Variants in SIPA1L1 observed in about 807,000 individuals in gnomAD.
The protein encoded by SIPA1L1 is signal induced proliferation associated 1 like 1, also known as signal-induced proliferation-associated 1-like protein 1.
A neutral mutation model predicts 162.7 loss-of-function variants in SIPA1L1; 26 were observed. The ratio of observed to expected loss-of-function variants is 0.16; its 90% confidence interval spans 0.12 to 0.22. The LOEUF (loss-of-function observed/expected upper bound fraction) is 0.22, where lower values mean the gene tolerates loss of function less well. Among genes scored for constraint, SIPA1L1 ranks in the 10% least tolerant of loss-of-function variants. The probability of loss-of-function intolerance (pLI) is 1.00; values close to 1 mark genes in which losing one functional copy is unlikely to be tolerated. For synonymous variants in SIPA1L1, 829 were observed against 837.4 expected (o/e 0.99, Z 0.17); for missense variants, 1,874 against 2,241.0 (o/e 0.84, Z 3.31).
At chr14:71,662,174 G>A (rs189250036) in intron 10 of SIPA1L1, among the ~76,000 whole-genome samples, 3 of 152,260 alleles carry the variant, frequency 2.0e-5, no homozygotes, top group Admixed American at 6.5e-5. Flanking sequence ...GACATTTGGC[G>A]TATCTTTCCA....
In SIPA1L1 at chr14:71,723,680, G is replaced by A. The variant is rs2083957944; in HGVS notation, c.4242G>A (p.Val1414=). Residue 1414 remains valine (V), a synonymous_variant, in exon 18 of 24, where the codon GTG becomes GTA. Transcript: ENST00000381232. ...TMSSRHSASP[V]VFTSARSSPK... ...GCTCCCGACACTCTGCCAGCCCAGT[G>A]GTTTTCACCAGTGCCCGGAGTTCAC... 2.5e-6 allele frequency: 4 copies of A among 1,614,058 alleles called. No homozygotes were observed. The South Asian group carries it at 4.4e-5, about 18-fold the overall frequency.
rs2034947879 is a variant in SIPA1L1 at position 71,589,162 on chromosome 14, C to T, written c.1290C>T (p.Ser430=). ...EIGGEGERKI[S]LSKSNSGSFS... is the part of the protein sequence containing the mutation. Reference sequence around the variant, plus strand: ...GTGGAGAAGGGGAGAGGAAAATCAGCCTTTCAAAATCAAATTCTGGCTCCT... The same window carrying T: ...GTGGAGAAGGGGAGAGGAAAATCAGTCTTTCAAAATCAAATTCTGGCTCCT... Residue 430 remains serine (S), a synonymous_variant, in exon 5 of 24, where the codon AGC becomes AGT. Transcript: ENST00000381232. 1.9e-6 allele frequency: 3 copies of T among 1,614,016 alleles called. No individual in the cohort carries two copies. The highest frequency in any genetic ancestry group is 2.5e-6 in the Non-Finnish European group (3 of 1,179,934).
At chr14:71,544,893 A>T (rs1051399048) in intron 4 of SIPA1L1, among the ~76,000 whole-genome samples, 4 of 152,036 alleles carry the variant, frequency 2.6e-5, no homozygotes, top group Middle Eastern at 3.2e-3. Context: ...ATATTTTTTT[A>T]AATTTTTATT....
intron 2 of SIPA1L1, among the ~76,000 whole-genome samples, chr14:71,483,494 T>C (rs2048504511): frequency 6.6e-6 from 1 of 152,214 alleles, no homozygotes; most frequent in African/African-American, 2.4e-5. Context: ...CTGATAATTG[T>C]TGGGAGACTA....
intron 4 of SIPA1L1, among the ~76,000 whole-genome samples, chr14:71,555,433 G>A (rs1248359524): frequency 3.3e-5 from 5 of 152,136 alleles, no homozygotes; most frequent in Non-Finnish European, 7.4e-5. Context: ...CCTTGCTCTG[G>A]ATTAGGCTTT....
chr14:71,441,862 TGTAGATCAGGA>T (rs1213877557), intron 2 of SIPA1L1, among the ~76,000 whole-genome samples: 3 of 152,064 alleles, frequency 2.0e-5, no homozygotes, highest in Non-Finnish European at 4.4e-5. Flanking sequence ...AAAATAACCA[TGTAGATCAGGA>T]GTAACTTAAA....
intron 2 of SIPA1L1, among the ~76,000 whole-genome samples, chr14:71,509,964 T>A (rs1206032733): frequency 2.0e-5 from 3 of 152,050 alleles, no homozygotes; most frequent in Non-Finnish European, 2.9e-5. Context: ...CTGGCCTGTT[T>A]GGGATTTATC....
intron 21 of SIPA1L1, 26 bp downstream of exon 21, chr14:71,733,838 C>T: frequency 6.2e-7 from 1 of 1,608,232 alleles, no homozygotes; most frequent in East Asian, 2.2e-5. Context: ...CCACACAAGA[C>T]AGCCCAGGAT....
intron 2 of SIPA1L1, among the ~76,000 whole-genome samples, chr14:71,360,332 A>T (rs185339882): frequency 1.3e-5 from 2 of 152,210 alleles, no homozygotes; most frequent in Non-Finnish European, 2.9e-5. Flanking sequence ...TCTTAGGAAG[A>T]TATTAAGAAA....
chr14:71,635,511 C>T (rs895335114), intron 7 of SIPA1L1, among the ~76,000 whole-genome samples: 4 of 152,162 alleles, frequency 2.6e-5, no homozygotes, highest in Non-Finnish European at 5.9e-5. Flanking sequence ...AAAGTTTCTA[C>T]ACTTCGCTTC....
chr14:71,681,232 C>A (rs576751343), intron 12 of SIPA1L1, among the ~76,000 whole-genome samples: 9 of 151,950 alleles, frequency 5.9e-5, no homozygotes, highest in Non-Finnish European at 1.3e-4. Context: ...TTCTCACCCC[C>A]CTGCTGTCAC....
intron 2 of SIPA1L1, among the ~76,000 whole-genome samples, chr14:71,399,995 G>A (rs935768354): frequency 4.6e-5 from 7 of 151,622 alleles, no homozygotes; most frequent in Non-Finnish European, 7.4e-5. Flanking sequence ...TGTATTTTTT[G>A]TATTTTTTTT....
chr14:71,671,643 G>A lies in SIPA1L1; in HGVS notation c.2780G>A (p.Gly927Asp), dbSNP rs776008426. The change falls in exon 11 of 24, where the codon GGT (glycine) becomes GAT (aspartate). Residue 927 changes from glycine (G) to aspartate (D), a missense_variant. By Grantham distance (94) the Gly-to-Asp change is moderately conservative (BLOSUM62 -1). This residue lies in a region of SIPA1L1 where 243 missense variants were observed against 315.0 expected (regional missense o/e 0.77). Coordinates refer to ENST00000381232, the MANE Select transcript of SIPA1L1 (RefSeq NM_001386936.1). The part of the protein sequence containing the change: ...FYERGECVSV[G>D]SFINIEEIKE... ...GAACGAGGAGAATGTGTTTCAGTGG[G>A]TAGTTTTATTAACATTGAGGAGATC... 6.2e-7 allele frequency: 1 copy of A among 1,613,200 alleles called. No homozygotes were observed. The highest frequency in any genetic ancestry group is 8.5e-7 in the Non-Finnish European group (1 of 1,179,602).
intron 5 of SIPA1L1, among the ~76,000 whole-genome samples, chr14:71,594,256 A>G (rs757313551): frequency 6.6e-6 from 1 of 152,132 alleles, no homozygotes; most frequent in Non-Finnish European, 1.5e-5. Context: ...ACTCTCATAT[A>G]CTCTCAATTT....
At chr14:71,719,574 A>T (rs752954858) in intron 17 of SIPA1L1, among the ~76,000 whole-genome samples, 7 of 152,154 alleles carry the variant, frequency 4.6e-5, no homozygotes, top group Admixed American at 4.6e-4. Context: ...GCTCACTGCA[A>T]CTTCCACCTC....
At chr14:71,611,677 A>G (rs541721441) in intron 5 of SIPA1L1, among the ~76,000 whole-genome samples, 1 of 152,006 alleles carries the variant, frequency 6.6e-6, no homozygotes, top group African/African-American at 2.4e-5. Context: ...TTACTGTGTT[A>G]GTTTGCTGAG....
chr14:71,454,057 A>G (rs1347126920), intron 2 of SIPA1L1, among the ~76,000 whole-genome samples: 1 of 151,218 alleles, frequency 6.6e-6, no homozygotes, highest in East Asian at 1.9e-4. Flanking sequence ...GAGAGTTCAT[A>G]GATCATCACT....
rs139292772 is a variant in SIPA1L1 at position 71,402,285 on chromosome 14, A to G, written c.-465+81104A>G. On this transcript the variant is annotated intron_variant, in intron 2 of 23. Coordinates refer to ENST00000381232, the MANE Select transcript of SIPA1L1 (RefSeq NM_001386936.1). ...ATGGCATTGTATAAAAAAGGCAAGG[A>G]TTTGGAATAGGATTGTCTTGGGTTT... Among the ~76,000 whole-genome samples the G allele has an allele frequency of 8.5e-5, 13 of 152,068 alleles. No individual in the cohort carries two copies. In the East Asian group the frequency reaches 2.5e-3, roughly 29 times the overall value.
intron 7 of SIPA1L1, among the ~76,000 whole-genome samples, chr14:71,634,912 G>C (rs540733443): frequency 6.6e-6 from 1 of 151,802 alleles, no homozygotes; most frequent in South Asian, 2.1e-4. Flanking sequence ...CTCCAGCCTG[G>C]GCAACAGAGT....
Sources: gnomAD v4.1 joint callset for allele counts (sites outside exome capture counted in the v4.1 genomes callset) on GRCh38, gnomAD v4.1.1 for gene constraint, gnomAD v4.1.1 regional missense constraint, MANE v1.5 for transcripts, NCBI Gene and HGNC (gene_info 2026-07-23, HGNC 2026-07-21) for gene names.